ZNF407: variants seen among roughly 807,000 people sequenced by gnomAD.
The protein encoded by ZNF407 is zinc finger protein 407.
A neutral mutation model predicts 131.2 loss-of-function variants in ZNF407; 17 were observed. The ratio of observed to expected loss-of-function variants is 0.13; its 90% CI spans 0.09 to 0.19. ZNF407 has a LOEUF of 0.19. ZNF407 is among the 10% of genes least tolerant of loss of function. ZNF407 has a pLI of 1.00. For synonymous variants in ZNF407, 1,156 were observed against 1,062.0 expected, an observed-to-expected ratio of 1.09 and a Z score of -1.72; for missense variants, 2,681 against 2,830.6, an observed-to-expected ratio of 0.95 and a Z score of 1.20.
chr18:74,918,679 C>G (rs1971805565), intron 7 of ZNF407, among the ~76,000 whole-genome samples: 1 of 152,086 alleles, frequency 6.6e-6, no homozygotes, highest in South Asian at 2.1e-4. Context: ...TTGAAAATAG[C>G]TGGGAAAATA....
chr18:74,946,115 T>G (rs1282011995), intron 8 of ZNF407, among the ~76,000 whole-genome samples: 1 of 152,242 alleles, frequency 6.6e-6, no homozygotes, highest in Non-Finnish European at 1.5e-5. Context: ...TAAGCTGTAC[T>G]ATCTAGAGGT....
intron 1 of ZNF407, among the ~76,000 whole-genome samples, chr18:74,619,576 G>C (rs1349761253): frequency 6.6e-6 from 1 of 152,004 alleles, no homozygotes; most frequent in Non-Finnish European, 1.5e-5. Flanking sequence ...TGAAAATAAA[G>C]GGTCTAATGG....
chr18:74,755,768 T>G (rs1172736483), intron 3 of ZNF407, among the ~76,000 whole-genome samples: 1 of 129,046 alleles, frequency 7.7e-6, no homozygotes, highest in African/African-American at 3.5e-5. Flanking sequence ...TTTCTTTCTT[T>G]CTTTCTCTCT....
At chr18:74,696,895 A>C (rs970774293) in intron 3 of ZNF407, among the ~76,000 whole-genome samples, 6 of 152,160 alleles carry the variant, frequency 3.9e-5, no homozygotes, top group Non-Finnish European at 7.4e-5. Context: ...AAGTTTTTCT[A>C]ATCTCATCAT....
intron 8 of ZNF407, among the ~76,000 whole-genome samples, chr18:75,019,843 G>A (rs1276855596): frequency 6.6e-6 from 1 of 152,088 alleles, no homozygotes; most frequent in Non-Finnish European, 1.5e-5. Flanking sequence ...AGAGAGAGAA[G>A]GGGGAGGTGA....
At chr18:74,866,924 G>T (rs1971019538) in intron 4 of ZNF407, among the ~76,000 whole-genome samples, 2 of 141,580 alleles carry the variant, frequency 1.4e-5, no homozygotes, top group South Asian at 4.5e-4. Flanking sequence ...GAGGCTGGAG[G>T]ATCCCTAGAG....
intron 4 of ZNF407, among the ~76,000 whole-genome samples, chr18:74,861,463 T>A (rs1239119183): frequency 6.6e-6 from 1 of 152,236 alleles, no homozygotes; most frequent in East Asian, 1.9e-4. Flanking sequence ...TATGTTAGTG[T>A]CAGTCACTCA....
At chr18:74,938,473 G>T (rs796167153) in intron 8 of ZNF407, among the ~76,000 whole-genome samples, 4 of 152,152 alleles carry the variant, frequency 2.6e-5, no homozygotes, top group African/African-American at 9.6e-5. Flanking sequence ...TTGACACATA[G>T]TGTACCCTTT....
chr18:74,844,224 C>T (rs890031979), intron 4 of ZNF407, among the ~76,000 whole-genome samples: 1 of 152,128 alleles, frequency 6.6e-6, no homozygotes, highest in Non-Finnish European at 1.5e-5. Context: ...TGCTTCTCCT[C>T]CCCCATGGCG....
At chr18:74,706,481 A>G (rs1001145145) in intron 3 of ZNF407, among the ~76,000 whole-genome samples, 1 of 152,134 alleles carries the variant, frequency 6.6e-6, no homozygotes, top group Non-Finnish European at 1.5e-5. Context: ...ATGAATTTGG[A>G]TGCTCATTCG....
intron 3 of ZNF407, among the ~76,000 whole-genome samples, chr18:74,747,754 A>G (rs537157966): frequency 1.9e-4 from 29 of 152,216 alleles, no homozygotes; most frequent in South Asian, 4.1e-4. Flanking sequence ...ATATTATCCT[A>G]TCTCTTAGTT....
At chr18:74,723,981 T>C (rs1021246466) in intron 3 of ZNF407, among the ~76,000 whole-genome samples, 1 of 152,068 alleles carries the variant, frequency 6.6e-6, no homozygotes, top group African/African-American at 2.4e-5. Context: ...CATTACTTCG[T>C]ACCAGAAATG....
At chr18:74,695,269 CA>C (rs374974619) in intron 3 of ZNF407, among the ~76,000 whole-genome samples, 17 of 152,290 alleles carry the variant, frequency 1.1e-4, no homozygotes, top group African/African-American at 4.1e-4. Flanking sequence ...GTGCCTCCTG[CA>C]TAACATCTAT....
chr18:74,750,962 A>T (rs1184344299), intron 3 of ZNF407, among the ~76,000 whole-genome samples: 1 of 152,064 alleles, frequency 6.6e-6, no homozygotes, highest in South Asian at 2.1e-4. Context: ...TATGTGCTTT[A>T]TATTGCCTAT....
chr18:74,781,775 G>T (rs563331910), intron 4 of ZNF407, among the ~76,000 whole-genome samples: 81 of 152,072 alleles, frequency 5.3e-4, no homozygotes, highest in African/African-American at 1.7e-3. Context: ...AAATTGGAGG[G>T]AATTACCTTC....
At chr18:74,611,318 T>C (rs769106875) in intron 1 of ZNF407, among the ~76,000 whole-genome samples, 15 of 152,210 alleles carry the variant, frequency 9.9e-5, no homozygotes, top group South Asian at 2.1e-4. Context: ...TTTTGTTTAT[T>C]AAGAGAAACC....
chr18:74,746,264 T>C (rs1396220499), intron 3 of ZNF407, among the ~76,000 whole-genome samples: 1 of 152,166 alleles, frequency 6.6e-6, no homozygotes, highest in Non-Finnish European at 1.5e-5. Flanking sequence ...GGAGTGGCTC[T>C]GGATGAGTGA....
At chr18:74,664,797 C>T (rs1052006055) in intron 3 of ZNF407, among the ~76,000 whole-genome samples, 9 of 152,020 alleles carry the variant, frequency 5.9e-5, no homozygotes, top group African/African-American at 2.2e-4. Context: ...TTTGGCGCTG[C>T]GTATCTGTGT....
chr18:74,737,484 CT>C (rs1350714844), intron 3 of ZNF407, among the ~76,000 whole-genome samples: 1 of 152,134 alleles, frequency 6.6e-6, no homozygotes, highest in Non-Finnish European at 1.5e-5. Context: ...TGTTTGTTAT[CT>C]GTAAAGATGA....
Sources: allele counts gnomAD v4.1 joint callset (sites outside exome capture counted in the v4.1 genomes callset), GRCh38; gene constraint gnomAD v4.1.1; transcripts MANE v1.5; gene names NCBI Gene and HGNC (gene_info 2026-07-23, HGNC 2026-07-21).